KCNH5: variants seen among roughly 807,000 people sequenced by gnomAD.
The protein encoded by KCNH5 is potassium voltage-gated channel subfamily H member 5, also known as voltage-gated delayed rectifier potassium channel KCNH5.
Under a neutral mutation model 96.1 loss-of-function variants are expected in KCNH5, and 46 were observed. The ratio of observed to expected loss-of-function variants is 0.48; its 90% confidence interval spans 0.38 to 0.61. KCNH5 has a LOEUF of 0.61. Among genes scored for constraint, KCNH5 ranks in the 20% least tolerant of loss-of-function variants. KCNH5 has a pLI of 0.00. For missense variants in KCNH5, 907 were observed against 1,225.8 expected (o/e 0.74, Z 3.88); for synonymous variants, 439 against 449.8 (o/e 0.98, Z 0.30).
intron 7 of KCNH5, among the ~76,000 whole-genome samples, chr14:62,888,017 ATG>A (rs1888633144): frequency 6.6e-6 from 1 of 152,228 alleles, no homozygotes; most frequent in East Asian, 1.9e-4. Context: ...ATTCTAACAC[ATG>A]TGTTTCTAAG....
At chr14:62,768,568 G>A (rs1885915254) in intron 10 of KCNH5, among the ~76,000 whole-genome samples, 1 of 152,092 alleles carries the variant, frequency 6.6e-6, no homozygotes, top group Admixed American at 6.5e-5. Context: ...AAAAACAAAT[G>A]TCTCAAATAG....
intron 2 of KCNH5, among the ~76,000 whole-genome samples, chr14:63,015,785 T>A (rs894276421): frequency 1.3e-5 from 2 of 151,920 alleles, no homozygotes; most frequent in African/African-American, 2.4e-5. Context: ...TCCCCTTGAA[T>A]ATCATATTTT....
intron 6 of KCNH5, among the ~76,000 whole-genome samples, chr14:62,969,458 A>C (rs1243084530): frequency 6.6e-6 from 1 of 152,202 alleles, no homozygotes; most frequent in African/African-American, 2.4e-5. Context: ...CAAAGCCAAA[A>C]GCTAATTCTT....
intron 6 of KCNH5, among the ~76,000 whole-genome samples, chr14:62,967,175 G>A (rs894643912): frequency 6.6e-6 from 1 of 152,072 alleles, no homozygotes; most frequent in African/African-American, 2.4e-5. Flanking sequence ...ATAAGCTATG[G>A]TGTCCTTATC....
chr14:62,862,206 T>C lies in KCNH5; in HGVS notation c.1370-12354A>G, dbSNP rs189942310. Reference sequence around the variant, plus strand: ...TTACTTAAATATGGAAGCATTAGGATAATACTTAAAATAATACTGAAATTT... The same window carrying C: ...TTACTTAAATATGGAAGCATTAGGACAATACTTAAAATAATACTGAAATTT... On this transcript the variant is annotated intron_variant, in intron 7 of 10. Coordinates refer to ENST00000322893, the MANE Select transcript of KCNH5 (RefSeq NM_139318.5). Among the ~76,000 whole-genome samples, 205 of 152,338 alleles carry C rather than the reference T, an allele frequency of 1.3e-3. 1 individual carries two copies. Among genetic ancestry groups the C allele is most frequent in the African/African-American group, 4.6e-3 (191 of 41,576 alleles).
intron 9 of KCNH5, among the ~76,000 whole-genome samples, chr14:62,782,007 C>G (rs1886229199): frequency 6.6e-6 from 1 of 152,190 alleles, no homozygotes; most frequent in South Asian, 2.1e-4. Context: ...ATTTGGGGAA[C>G]TAATAAATGT....
chr14:62,713,091 T>G (rs1884606869), intron 10 of KCNH5, among the ~76,000 whole-genome samples: 1 of 152,170 alleles, frequency 6.6e-6, no homozygotes, highest in African/African-American at 2.4e-5. Context: ...CTGCTATATC[T>G]CTAGTGTCTG....
chr14:62,755,879 G>T (rs1399949066), intron 10 of KCNH5, among the ~76,000 whole-genome samples: 2 of 152,132 alleles, frequency 1.3e-5, no homozygotes, highest in Non-Finnish European at 2.9e-5. Context: ...TTCAATTGAT[G>T]CTGAAAATGC....
intron 7 of KCNH5, among the ~76,000 whole-genome samples, chr14:62,941,807 T>C (rs1449274970): frequency 2.8e-4 from 42 of 152,148 alleles, no homozygotes; most frequent in Non-Finnish European, 5.9e-5. Flanking sequence ...TTTTTTCTAA[T>C]ATTAGGAAAG....
intron 7 of KCNH5, among the ~76,000 whole-genome samples, chr14:62,924,991 G>A (rs1889446353): frequency 6.6e-6 from 1 of 151,924 alleles, no homozygotes; most frequent in Non-Finnish European, 1.5e-5. Flanking sequence ...GTAACTGTGA[G>A]GTGGTGGATA....
intron 7 of KCNH5, among the ~76,000 whole-genome samples, chr14:62,889,756 T>C (rs1286973861): frequency 1.3e-5 from 2 of 152,214 alleles, no homozygotes; most frequent in Non-Finnish European, 1.5e-5. Context: ...CAATTCTGTA[T>C]GGTAATAAAT....
At chr14:62,814,830 G>C (rs243136) in intron 8 of KCNH5, among the ~76,000 whole-genome samples, 139,683 of 145,270 alleles carry the variant, frequency 0.96, 67,185 homozygotes, top group East Asian at 1. Flanking sequence ...CACTTCATAC[G>C]AAGTGGGAGT....
chr14:62,933,407 GAGA>G (rs550868086), intron 7 of KCNH5, among the ~76,000 whole-genome samples: 7 of 152,072 alleles, frequency 4.6e-5, no homozygotes, highest in Admixed American at 2.6e-4. Flanking sequence ...TCTAAATATA[GAGA>G]AGATTTAGAA....
intron 8 of KCNH5, among the ~76,000 whole-genome samples, chr14:62,815,815 G>C (rs188211810): frequency 2.6e-5 from 4 of 151,916 alleles, no homozygotes; most frequent in Admixed American, 1.3e-4. Flanking sequence ...TTCCAATAGA[G>C]AGAGCAAAGT....
In KCNH5 at chr14:62,981,294, A is replaced by G. The variant is rs769270132; in HGVS notation, c.550-30T>C. 2.5e-6 allele frequency: 4 copies of G among 1,605,416 alleles called. No individual in the cohort carries two copies. The South Asian group carries it at 3.3e-5, about 13-fold the overall frequency. ...AAGAGAGAAAATGTATTTATACATG[A>G]CTAGGTTATCTCTGCACAGTCAGTG... On this transcript the variant is annotated intron_variant, in intron 5 of 10. Coordinates refer to ENST00000322893, the MANE Select transcript of KCNH5 (RefSeq NM_139318.5).
chr14:63,020,831 C>T lies in KCNH5; in HGVS notation c.74-3877G>A, dbSNP rs185501345. Reference sequence around the variant, plus strand: ...CAAAGAGGACAATGGATAACTCCGTCTGACCAGAGAATCAGAAGTTTTAGT... The same window carrying T: ...CAAAGAGGACAATGGATAACTCCGTTTGACCAGAGAATCAGAAGTTTTAGT... On this transcript the variant is annotated intron_variant, in intron 1 of 10. Coordinates refer to ENST00000322893, the MANE Select transcript of KCNH5 (RefSeq NM_139318.5). Among the ~76,000 whole-genome samples, 404 of 152,172 alleles carry T rather than the reference C, an allele frequency of 2.7e-3. 2 individuals carry two copies. Among genetic ancestry groups the T allele is most frequent in the African/African-American group, 9.4e-3 (390 of 41,520 alleles).
At chr14:62,898,834 T>G (rs1595675623) in intron 7 of KCNH5, among the ~76,000 whole-genome samples, 1 of 152,142 alleles carries the variant, frequency 6.6e-6, no homozygotes, top group Non-Finnish European at 1.5e-5. Flanking sequence ...ATATGCAGAA[T>G]AGTTATATGT....
intron 8 of KCNH5, among the ~76,000 whole-genome samples, chr14:62,848,482 C>T (rs1160152947): frequency 6.6e-6 from 1 of 152,064 alleles, no homozygotes; most frequent in East Asian, 1.9e-4. Context: ...AATCTCACCC[C>T]CTTTCACAAT....
intron 10 of KCNH5, among the ~76,000 whole-genome samples, chr14:62,724,923 G>C (rs1310858758): frequency 6.6e-6 from 1 of 152,200 alleles, no homozygotes; most frequent in African/African-American, 2.4e-5. Flanking sequence ...TTGCCCACCA[G>C]CATGCAAACA....
Sources: allele counts gnomAD v4.1 joint callset (sites outside exome capture counted in the v4.1 genomes callset), GRCh38; gene constraint gnomAD v4.1.1; transcripts MANE v1.5; gene names NCBI Gene and HGNC (gene_info 2026-07-23, HGNC 2026-07-21).